Variants in ITSN1 observed in about 807,000 individuals in gnomAD.
The protein encoded by ITSN1 is intersectin 1, also known as intersectin-1.
Under a neutral mutation model 239.8 loss-of-function variants are expected in ITSN1, and 58 were observed. That is an observed-to-expected ratio of 0.24 (90% CI 0.20 to 0.30). ITSN1 has a LOEUF of 0.30. Ranked by LOEUF, ITSN1 falls within the 10% of genes least tolerant of loss-of-function variation. The pLI is 1.00. For synonymous variants in ITSN1, 780 were observed against 770.8 expected, an observed-to-expected ratio of 1.01 and a Z score of -0.20; for missense variants, 1,558 against 2,103.3, an observed-to-expected ratio of 0.74 and a Z score of 5.07.
chr21:33,789,780 T>C (rs2070961973), intron 16 of ITSN1, among the ~76,000 whole-genome samples: 1 of 152,214 alleles, frequency 6.6e-6, no homozygotes, highest in African/African-American at 2.4e-5. Context: ...GCCTTTTAGC[T>C]TAGCAATAGA....
intron 1 of ITSN1, among the ~76,000 whole-genome samples, chr21:33,647,606 T>C (rs1211756761): frequency 6.6e-6 from 1 of 152,064 alleles, no homozygotes; most frequent in Admixed American, 6.6e-5. Flanking sequence ...AATGAATCTC[T>C]TGCCTTAGCC....
rs2070230731 is a variant in ITSN1, at chr21:33,782,001, A to G, written c.1692A>G (p.Ser564=). 6.3e-7 allele frequency: 1 copy of G among 1,593,396 alleles called. No homozygotes were observed. The change falls in exon 16 of 40, where the codon TCA becomes TCG. Residue 564 remains serine (S), a synonymous_variant. Coordinates refer to ENST00000381318, the MANE Select transcript of ITSN1 (RefSeq NM_003024.3). ...QVQQNSLHRD[S]LVTLKRALEA... ...GACGTTTTTCTAAAATAGGAGATTC[A>G]CTTGTTACACTTAAAAGAGCCTTAG...
chr21:33,891,533 G>C lies in ITSN1; in HGVS notation c.*3233G>C, dbSNP rs1173865917. 6.6e-6 allele frequency: 1 copy of C among 152,044 alleles called. No homozygotes were observed. The highest frequency in any genetic ancestry group is 1.5e-5 in the Non-Finnish European group (1 of 68,018). 9.4% of individuals were successfully genotyped at this position (152,044 alleles called of 1,614,324 possible). A position where few individuals can be genotyped will look rare whatever the true frequency, so the allele number is the denominator to read the frequency against. ...CTCGGTGACCTGGTACCAAAGCCCA[G>C]GTGTCCTCCAGGGGAGTATTCTGGG... On this transcript the variant is annotated 3_prime_UTR_variant, in exon 40 of 40. Transcript: ENST00000381318.
chr21:33,727,234 G>A (rs933356232), intron 4 of ITSN1, among the ~76,000 whole-genome samples: 2 of 152,080 alleles, frequency 1.3e-5, no homozygotes, highest in Admixed American at 6.5e-5. Context: ...GAAGTGCTTA[G>A]AATTTTTTCA....
Position 33,750,267 on chromosome 21 carries a change from C to CA in ITSN1, c.471_472insA (p.Leu158ThrfsTer3). On this transcript the variant is annotated frameshift_variant, in exon 6 of 40. Coordinates refer to ENST00000381318, the MANE Select transcript of ITSN1 (RefSeq NM_003024.3). LOFTEE classifies it high-confidence loss of function. ...CTGTTCCCACAGCAGCTGTGCCCCC[C>CA]CTGGCTAACGGGGCTCCCCCTGTTA... 1.2e-6 allele frequency: 2 copies of CA among 1,614,072 alleles called. No individual in the cohort carries two copies. Among genetic ancestry groups the CA allele is most frequent in the Non-Finnish European group, 1.7e-6 (2 of 1,180,028 alleles).
chr21:33,876,141 CTTTCTT>C (rs757863995), intron 34 of ITSN1, among the ~76,000 whole-genome samples: 2 of 20,654 alleles, frequency 9.7e-5, no homozygotes, highest in African/African-American at 6.0e-4. Flanking sequence ...TTCTTTCTTT[CTTTCTT>C]TCTTTCTCTC....
At chr21:33,843,408 C>T (rs768864993) in intron 29 of ITSN1, among the ~76,000 whole-genome samples, 2 of 152,138 alleles carry the variant, frequency 1.3e-5, no homozygotes, top group Non-Finnish European at 2.9e-5. Context: ...CATGCTGACC[C>T]GCCCCAGCCC....
chr21:33,802,471 T>C, intron 20 of ITSN1, 27 bp downstream of exon 20: 1 of 1,611,580 alleles, frequency 6.2e-7, no homozygotes, highest in East Asian at 2.2e-5. Flanking sequence ...TGTCAGGAAG[T>C]CTGCATCTTA....
chr21:33,886,547 C>A, intron 39 of ITSN1, 87 bp downstream of exon 39: 1 of 1,214,918 alleles, frequency 8.2e-7, no homozygotes, highest in Non-Finnish European at 1.1e-6. Flanking sequence ...GGACTTGGTG[C>A]CAGGATTCCT....
Position 33,708,050 on chromosome 21 carries a change from T to C in ITSN1, c.-32-10747T>C, listed in dbSNP as rs191264371. Among the ~76,000 whole-genome samples, 171 of 152,334 alleles carry C rather than the reference T, an allele frequency of 1.1e-3. 1 individual carries two copies. Among genetic ancestry groups the C allele is most frequent in the Middle Eastern group, 6.8e-3 (2 of 294 alleles). ...CCTCACCAACACTAGATGTGGTCAT[T>C]CTTTCTCATATTAGCCATTCTAGTG... On this transcript the variant is annotated intron_variant, in intron 1 of 39. Coordinates refer to ENST00000381318, the MANE Select transcript of ITSN1 (RefSeq NM_003024.3).
In ITSN1 at chr21:33,888,868, T is replaced by G. The variant is rs565684987; in HGVS notation, c.*568T>G. On this transcript the variant is annotated 3_prime_UTR_variant, in exon 40 of 40. Coordinates refer to ENST00000381318, the MANE Select transcript of ITSN1 (RefSeq NM_003024.3). ...TGAGACGGTCTGATCAGGCCCTGGC[T>G]TAGCTCTTTGAAGAGCTGGTCTATG... 4 of 152,508 alleles carry G rather than the reference T, an allele frequency of 2.6e-5. No homozygotes were observed. The East Asian group carries it at 7.7e-4, about 29-fold the overall frequency. The allele number at this position is 152,508 out of a possible 1,614,324, so 9.4% of individuals were successfully genotyped here.
At chr21:33,650,978 C>A (rs2088471301) in intron 1 of ITSN1, among the ~76,000 whole-genome samples, 1 of 152,230 alleles carries the variant, frequency 6.6e-6, no homozygotes, top group South Asian at 2.1e-4. Flanking sequence ...GAGGAAGAAA[C>A]TTGGTAGCGG....
At chr21:33,692,638 A>G (rs1004920559) in intron 1 of ITSN1, among the ~76,000 whole-genome samples, 1 of 152,200 alleles carries the variant, frequency 6.6e-6, no homozygotes, top group African/African-American at 2.4e-5. Flanking sequence ...TTTACATCAA[A>G]TTTCTGAATT....
intron 29 of ITSN1, among the ~76,000 whole-genome samples, chr21:33,851,330 G>T (rs1455271749): frequency 6.6e-6 from 1 of 152,142 alleles, no homozygotes; most frequent in Non-Finnish European, 1.5e-5. Context: ...TTAGCACGAG[G>T]AGTTGCTCCC....
At chr21:33,706,128 T>A (rs1026615125) in intron 1 of ITSN1, among the ~76,000 whole-genome samples, 1 of 152,118 alleles carries the variant, frequency 6.6e-6, no homozygotes, top group Admixed American at 6.5e-5. Context: ...CAAGTGATTC[T>A]CCTGCCTCAG....
intron 22 of ITSN1, among the ~76,000 whole-genome samples, chr21:33,816,037 A>T (rs2073246044): frequency 1.3e-5 from 2 of 151,948 alleles, no homozygotes; most frequent in Admixed American, 1.3e-4. Flanking sequence ...ATAAATAAAT[A>T]CAAAAATCAG....
At chr21:33,688,123 C>T (rs1221605546) in intron 1 of ITSN1, among the ~76,000 whole-genome samples, 2 of 151,580 alleles carry the variant, frequency 1.3e-5, no homozygotes, top group Non-Finnish European at 2.9e-5. Flanking sequence ...TAAGCATCAG[C>T]CTTATTAGCT....
intron 29 of ITSN1, among the ~76,000 whole-genome samples, chr21:33,840,296 T>G (rs368507576): frequency 6.6e-6 from 1 of 152,142 alleles, no homozygotes; most frequent in Non-Finnish European, 1.5e-5. Flanking sequence ...ATACTAGGTA[T>G]CTCCTATGGC....
chr21:33,745,762 A>G (rs1039736931), intron 5 of ITSN1, among the ~76,000 whole-genome samples: 3 of 152,146 alleles, frequency 2.0e-5, no homozygotes, highest in Admixed American at 6.5e-5. Flanking sequence ...CAGCCACTCT[A>G]TTATCCTGAA....
Sources: allele counts gnomAD v4.1 joint callset (sites outside exome capture counted in the v4.1 genomes callset), GRCh38; gene constraint gnomAD v4.1.1; transcripts MANE v1.5; gene names NCBI Gene and HGNC (gene_info 2026-07-23, HGNC 2026-07-21).